The following MAGI1 variants were observed in gnomAD, a reference collection of about 807,000 sequenced individuals.
MAGI1 encodes the protein membrane associated guanylate kinase, WW and PDZ domain containing 1.
A neutral mutation model predicts 139.9 loss-of-function variants in MAGI1; 58 were observed. The ratio of observed to expected loss-of-function variants is 0.41; its 90% CI spans 0.34 to 0.52. The LOEUF is 0.52. Among genes scored for constraint, MAGI1 ranks in the 20% least tolerant of loss-of-function variants. The pLI is 0.12. For synonymous variants in MAGI1, 812 were observed against 737.9 expected, an observed-to-expected ratio of 1.10 and a Z score of -1.63; for missense variants, 1,874 against 1,901.6, an observed-to-expected ratio of 0.99 and a Z score of 0.27.
intron 1 of MAGI1, among the ~76,000 whole-genome samples, chr3:65,954,153 G>A (rs2888302): frequency 0.45 from 68,042 of 151,930 alleles, 15,782 homozygotes; most frequent in East Asian, 0.76. Flanking sequence ...GGCCTGGATC[G>A]TTCTCAGATT....
At chr3:65,642,898 A>C (rs1032757718) in intron 1 of MAGI1, among the ~76,000 whole-genome samples, 1 of 152,242 alleles carries the variant, frequency 6.6e-6, no homozygotes, top group African/African-American at 2.4e-5. Context: ...TTCCAAAATG[A>C]GGGTCTAATG....
chr3:65,778,168 G>A (rs1398237809), intron 1 of MAGI1, among the ~76,000 whole-genome samples: 1 of 152,034 alleles, frequency 6.6e-6, no homozygotes, highest in Non-Finnish European at 1.5e-5. Context: ...AGTGACTCAC[G>A]CCTGTAATCC....
In MAGI1 at chr3:65,391,126, C is replaced by T. The variant is rs746121367; in HGVS notation, c.2416+16G>A. 9.9e-6 allele frequency: 16 copies of T among 1,611,648 alleles called. No individual in the cohort carries two copies. The highest frequency in any genetic ancestry group is 2.2e-5 in the East Asian group (1 of 44,872). ...CGGAGGGGTCAGGGTAAGACAGAGG[C>T]CAGGATGCTACTCACGTCGGTTTTC... On this transcript the variant is annotated intron_variant, in intron 14 of 22. Transcript: ENST00000402939.
In MAGI1 at chr3:65,451,828, T is replaced by C. The variant is rs1575797480; in HGVS notation, c.1042+1430A>G. The stretch of plus-strand genomic sequence containing the variant: ...CCTAGCTAATTTTTGTTTTATTATT[T>C]GTAGAGTCAAGGTCTCACTACATTG... On this transcript the variant is annotated intron_variant, in intron 6 of 22. Transcript: ENST00000402939. Among the ~76,000 whole-genome samples the C allele has an allele frequency of 2.6e-5, 4 of 152,088 alleles. 1 individual carries two copies. The highest frequency in any genetic ancestry group is 6.8e-3 in the Middle Eastern group (2 of 294).
At chr3:65,925,197 C>G (rs1245648986) in intron 1 of MAGI1, 2 of 152,164 alleles carry the variant, frequency 1.3e-5, no homozygotes, top group African/African-American at 4.8e-5. Flanking sequence ...AAACCAGATG[C>G]CTGTTTAAGT....
At chr3:65,512,547 A>T (rs1428579388) in intron 2 of MAGI1, among the ~76,000 whole-genome samples, 1 of 152,150 alleles carries the variant, frequency 6.6e-6, no homozygotes, top group Non-Finnish European at 1.5e-5. Context: ...AATAAAATAG[A>T]AAATCTAGAA....
chr3:66,021,712 A>G (rs2107553235), intron 1 of MAGI1, among the ~76,000 whole-genome samples: 1 of 152,252 alleles, frequency 6.6e-6, no homozygotes, highest in Admixed American at 6.5e-5. Flanking sequence ...CATATTTAAC[A>G]AACACCCTGC....
At chr3:65,474,905 A>G (rs1381971697) in intron 4 of MAGI1, among the ~76,000 whole-genome samples, 3 of 152,176 alleles carry the variant, frequency 2.0e-5, no homozygotes, top group African/African-American at 4.8e-5. Context: ...CAGTTTTGCG[A>G]TACTGGACAA....
At chr3:65,853,692 T>C (rs1309145580) in intron 1 of MAGI1, among the ~76,000 whole-genome samples, 3 of 152,174 alleles carry the variant, frequency 2.0e-5, no homozygotes, top group Non-Finnish European at 2.9e-5. Flanking sequence ...GCAGTCTCTA[T>C]CCTCACAAGA....
At chr3:65,812,468 T>TCTCTCTCTCACACACACGCACACACACA (rs1176899313) in intron 1 of MAGI1, among the ~76,000 whole-genome samples, 2 of 89,164 alleles carry the variant, frequency 2.2e-5, no homozygotes, top group African/African-American at 6.4e-5. Context: ...TCTCTCTCTC[T>TCTCTCTCTCACACACACGCACACACACA]CACACACACA....
intron 1 of MAGI1, among the ~76,000 whole-genome samples, chr3:65,925,656 C>G (rs1464903883): frequency 6.7e-6 from 1 of 149,866 alleles, no homozygotes; most frequent in Non-Finnish European, 1.5e-5. Flanking sequence ...TAATAGCTCT[C>G]TCATATAACC....
Position 65,554,618 on chromosome 3 carries a change from G to A in MAGI1, c.431-60987C>T, listed in dbSNP as rs114694461. On this transcript the variant is annotated intron_variant, in intron 2 of 22. Transcript: ENST00000402939. ...TCCAGAATAGATACTTTTAGGCACA[G>A]TTCATTTTGCCTGAAAAATCCTCTT... 3.2e-3 allele frequency among the ~76,000 whole-genome samples: 484 copies of A among 152,306 alleles called. 2 individuals are homozygous for A. Among genetic ancestry groups the A allele is most frequent in the African/African-American group, 0.011 (467 of 41,560 alleles).
chr3:65,948,311 A>T (rs941541638), intron 1 of MAGI1, among the ~76,000 whole-genome samples: 3 of 152,162 alleles, frequency 2.0e-5, no homozygotes, highest in African/African-American at 7.2e-5. Context: ...ATATTATAAG[A>T]TATATCTCCA....
chr3:65,766,884 A>C (rs554718555), intron 1 of MAGI1, among the ~76,000 whole-genome samples: 26 of 152,200 alleles, frequency 1.7e-4, no homozygotes, highest in African/African-American at 6.0e-4. Context: ...GCGAGACTCC[A>C]TCTCAAATAG....
At chr3:65,880,908 CGTGT>C (rs11271375) in intron 1 of MAGI1, among the ~76,000 whole-genome samples, 3 of 145,666 alleles carry the variant, frequency 2.1e-5, no homozygotes, top group South Asian at 2.3e-4. Context: ...ATATCTCTGG[CGTGT>C]GTGTGTGTGT....
At chr3:65,455,375 C>T (rs1372187828) in intron 5 of MAGI1, among the ~76,000 whole-genome samples, 2 of 152,150 alleles carry the variant, frequency 1.3e-5, no homozygotes, top group Non-Finnish European at 2.9e-5. Flanking sequence ...TCCCTGGTAA[C>T]TACGAATCTG....
chr3:65,652,366 G>A (rs1162484679), intron 1 of MAGI1, among the ~76,000 whole-genome samples: 1 of 152,144 alleles, frequency 6.6e-6, no homozygotes, highest in Non-Finnish European at 1.5e-5. Context: ...CTCAATCTTA[G>A]TACTATTGAC....
intron 2 of MAGI1, among the ~76,000 whole-genome samples, chr3:65,536,881 A>G (rs1576235253): frequency 1.3e-5 from 2 of 152,212 alleles, no homozygotes; most frequent in East Asian, 3.8e-4. Flanking sequence ...AGGGCAGAAG[A>G]CAGATACAAG....
chr3:65,667,492 T>G (rs1671159146), intron 1 of MAGI1, among the ~76,000 whole-genome samples: 1 of 152,138 alleles, frequency 6.6e-6, no homozygotes, highest in Admixed American at 6.5e-5. Flanking sequence ...CCTGCGTGTG[T>G]GGGACAAGTG....
Sources: gnomAD v4.1 joint callset for allele counts (sites outside exome capture counted in the v4.1 genomes callset) on GRCh38, gnomAD v4.1.1 for gene constraint, MANE v1.5 for transcripts, NCBI Gene and HGNC (gene_info 2026-07-23, HGNC 2026-07-21) for gene names.